Variants in PMS2 observed in about 807,000 individuals in gnomAD.
PMS2 encodes the protein PMS1 homolog 2, mismatch repair system component.
PMS2 carries 69 observed loss-of-function variants against 90.0 expected under a neutral mutation model. The observed-to-expected ratio is 0.77, with a 90% CI of 0.63 to 0.94. The LOEUF (loss-of-function observed/expected upper bound fraction) is 0.94, where lower values mean the gene tolerates loss of function less well. PMS2 is among the 40% of genes least tolerant of loss of function. PMS2 has a pLI of 0.00. For missense variants in PMS2, 966 were observed against 1,040.2 expected (o/e 0.93, Z 0.98); for synonymous variants, 332 against 375.1 (o/e 0.89, Z 1.33).
chr7:5,995,059 A>G (rs1017699270), intron 8 of PMS2, among the ~76,000 whole-genome samples: 2 of 152,076 alleles, frequency 1.3e-5, no homozygotes, highest in African/African-American at 4.8e-5. Context: ...TTTTTTTGAA[A>G]CACAGTCTCG....
intron 1 of PMS2, among the ~76,000 whole-genome samples, chr7:6,006,785 AC>A (rs1259505517): frequency 6.6e-6 from 1 of 152,140 alleles, no homozygotes; most frequent in African/African-American, 2.4e-5. Context: ...TGCCTTTGAT[AC>A]CCCACTCCAA....
rs1382570655 is a variant in PMS2, at chr7:5,994,108, C to T, written c.903+1426G>A. ...TTTAAAAAACTATACAGAGGCCAGG[C>T]GCGGTGGTTCACGCCTGTAATCCCA... On this transcript the variant is annotated intron_variant, in intron 8 of 14. Coordinates refer to ENST00000265849, the MANE Select transcript of PMS2 (RefSeq NM_000535.7). Among the ~76,000 whole-genome samples the T allele has an allele frequency of 8.6e-5, 13 of 151,886 alleles. No individual in the cohort carries two copies. In the East Asian group the frequency reaches 9.7e-4, roughly 11 times the overall value.
chr7:6,001,159 G>A (rs182637088), intron 5 of PMS2, among the ~76,000 whole-genome samples: 227 of 152,272 alleles, frequency 1.5e-3, no homozygotes, highest in African/African-American at 5.2e-3. Context: ...AAGGATAACT[G>A]CTGAGAACAT....
chr7:5,991,951 C>G (rs1470893428), intron 9 of PMS2, 22 bp downstream of exon 9: 10 of 1,175,670 alleles, frequency 8.5e-6, no homozygotes, highest in East Asian at 2.3e-5. Flanking sequence ...ACTAGTTGTA[C>G]TGAAATGCCA....
At chr7:5,983,817 A>G (rs997523618) in intron 11 of PMS2, among the ~76,000 whole-genome samples, 31 of 151,438 alleles carry the variant, frequency 2.0e-4, no homozygotes, top group African/African-American at 6.6e-4. Flanking sequence ...AAGCCCGGCT[A>G]ATTTTTTTAT....
chr7:5,987,033 G>T lies in PMS2; in HGVS notation c.1732C>A (p.Arg578Ser), dbSNP rs63750534. ...GAAAGAATTTCTTCTTTTTTAAAAC[G>T]CTTTGTGTTTGGGGTTGCGAGATTA... ...PTNLATPNTKRFKKEEILSSS... is the reference protein window; with the variant it reads ...PTNLATPNTKSFKKEEILSSS... Residue 578 changes from arginine to serine, a missense_variant, in exon 11 of 15, where the codon CGT (arginine) becomes AGT (serine). Around this residue, in one of 2 missense-constraint regions of PMS2, gnomAD observed 871 missense variants for 802.4 expected, o/e 1.09. Coordinates refer to ENST00000265849, the MANE Select transcript of PMS2 (RefSeq NM_000535.7). 5 of 1,613,946 alleles carry T rather than the reference G, an allele frequency of 3.1e-6. No individual in the cohort carries two copies. In the African/African-American group the frequency reaches 6.7e-5, roughly 22 times the overall value.
In PMS2 at chr7:5,987,504, G is replaced by A. The variant is rs587778617; in HGVS notation, c.1261C>T (p.Arg421Ter). The change falls in exon 11 of 15, where the codon CGA (arginine) becomes TGA (stop). Residue 421 changes from arginine to a stop codon, truncating the protein, a stop_gained. Transcript: ENST00000265849. LOFTEE classifies it high-confidence loss of function. ...EKKDVSISRL[R>*]EAFSLRHTTE... ...GTGTGACGAAGAGAAAAGGCCTCTC[G>A]CAGTCTGGAAATGGACACGTCTTTT... The A allele has an allele frequency of 2.5e-6, 4 of 1,614,056 alleles. No individual in the cohort carries two copies. The highest frequency in any genetic ancestry group is 1.3e-5 in the African/African-American group (1 of 74,928).
At chr7:5,994,392 CA>C (rs1444059948) in intron 8 of PMS2, among the ~76,000 whole-genome samples, 1 of 151,366 alleles carries the variant, frequency 6.6e-6, no homozygotes, top group African/African-American at 2.4e-5. Flanking sequence ...AAAAAAAACC[CA>C]AAAAACAACA....
At chr7:5,998,174 C>T (rs966758915) in intron 6 of PMS2, among the ~76,000 whole-genome samples, 9 of 150,790 alleles carry the variant, frequency 6.0e-5, no homozygotes, top group East Asian at 2.0e-4. Context: ...CTCCATCTCC[C>T]GGGTTCCAGC....
In PMS2 at chr7:5,977,493, C is replaced by T. The variant is rs1204052510; in HGVS notation, c.2445+95G>A. 1.7e-5 allele frequency: 13 copies of T among 781,556 alleles called. 1 individual carries two copies. The highest frequency in any genetic ancestry group is 1.3e-4 in the Admixed American group (6 of 45,226). 48.4% of individuals were successfully genotyped at this position (781,556 alleles called of 1,614,324 possible). A position where few individuals can be genotyped will look rare whatever the true frequency, so the allele number is the denominator to read the frequency against. On this transcript the variant is annotated intron_variant, in intron 14 of 14. Coordinates refer to ENST00000265849, the MANE Select transcript of PMS2 (RefSeq NM_000535.7). ...AAATGACCCCTGGCAATCACAAAGG[C>T]GTTTACAACCTTGACCAAATCAGGA...
chr7:6,001,773 C>G (rs1370848476), intron 5 of PMS2, among the ~76,000 whole-genome samples: 1 of 151,942 alleles, frequency 6.6e-6, no homozygotes, highest in Admixed American at 6.6e-5. Flanking sequence ...CACCTGAGGT[C>G]AGGAATTCGA....
intron 1 of PMS2, among the ~76,000 whole-genome samples, chr7:6,008,645 G>A (rs767630587): frequency 8.5e-5 from 13 of 152,170 alleles, no homozygotes; most frequent in Non-Finnish European, 1.9e-4. Context: ...AGAGAGAACA[G>A]GTAGAAAGGA....
At chr7:5,996,251 C>T (rs1784376845) in intron 7 of PMS2, among the ~76,000 whole-genome samples, 1 of 151,938 alleles carries the variant, frequency 6.6e-6, no homozygotes, top group Non-Finnish European at 1.5e-5. Context: ...AACAAACAAA[C>T]AAAAAGAAAT....
At chr7:5,994,431 C>T (rs770492034) in intron 8 of PMS2, among the ~76,000 whole-genome samples, 35 of 151,294 alleles carry the variant, frequency 2.3e-4, no homozygotes, top group African/African-American at 5.1e-4. Context: ...CAGATAGATG[C>T]GCTCCTTAAC....
At position 6,005,809 on chromosome 7, in the gene PMS2, G is replaced by A. The variant is rs1207709450; in HGVS notation, c.163+83C>T. ...TTTATTACTACATCAACACTTGATA[G>A]TCTTATTTCAATAACAAATGTTTCT... On this transcript the variant is annotated intron_variant, in intron 2 of 14. Coordinates refer to ENST00000265849, the MANE Select transcript of PMS2 (RefSeq NM_000535.7). 2.5e-6 allele frequency: 4 copies of A among 1,595,982 alleles called. No homozygotes were observed. In the South Asian group the frequency reaches 4.4e-5, roughly 18 times the overall value.
At chr7:5,999,025 C>A (rs2128797920) in intron 6 of PMS2, 83 bp downstream of exon 6, 9 of 1,274,730 alleles carry the variant, frequency 7.1e-6, no homozygotes, top group African/African-American at 1.5e-5. Flanking sequence ...AGATTTTATT[C>A]TCCATTCTAC....
rs185443834 is a variant in PMS2, at chr7:6,006,557, G to T, written c.24-526C>A. The stretch of plus-strand genomic sequence containing the variant: ...AATCCTAGCTACTCAGGAGGCTGAG[G>T]CAGGAGAATCGCTTAAATCCAGGAG... On this transcript the variant is annotated intron_variant, in intron 1 of 14. Transcript: ENST00000265849. 2.4e-3 allele frequency among the ~76,000 whole-genome samples: 372 copies of T among 152,220 alleles called. 1 individual carries two copies. The highest frequency in any genetic ancestry group is 4.1e-3 in the Non-Finnish European group (282 of 68,030).
intron 12 of PMS2, among the ~76,000 whole-genome samples, chr7:5,979,064 C>T (rs1219169651): frequency 6.8e-6 from 1 of 147,926 alleles, no homozygotes; most frequent in African/African-American, 2.6e-5. Context: ...GGCATGGTGG[C>T]GCACGCCTGT....
At chr7:5,991,546 A>G (rs528659566) in intron 9 of PMS2, among the ~76,000 whole-genome samples, 54 of 152,100 alleles carry the variant, frequency 3.6e-4, no homozygotes, top group African/African-American at 1.2e-3. Flanking sequence ...TTAAAAAAAA[A>G]AAAAATTATA....
Sources: gnomAD v4.1 joint callset for allele counts (sites outside exome capture counted in the v4.1 genomes callset) on GRCh38, gnomAD v4.1.1 for gene constraint, gnomAD v4.1.1 regional missense constraint, MANE v1.5 for transcripts, NCBI Gene and HGNC (gene_info 2026-07-23, HGNC 2026-07-21) for gene names.